GRIN2A: variants seen among roughly 807,000 people sequenced by gnomAD.
The protein encoded by GRIN2A is glutamate ionotropic receptor NMDA type subunit 2A.
A neutral mutation model predicts 113.4 loss-of-function variants in GRIN2A; 22 were observed. The ratio of observed to expected loss-of-function variants is 0.19; its 90% CI spans 0.14 to 0.28. The LOEUF is 0.28. Ranked by LOEUF, GRIN2A falls within the 10% of genes least tolerant of loss-of-function variation. The pLI is 1.00. For synonymous variants in GRIN2A, 827 were observed against 738.4 expected, an observed-to-expected ratio of 1.12 and a Z score of -1.94; for missense variants, 1,502 against 1,887.0, an observed-to-expected ratio of 0.80 and a Z score of 3.78.
intron 2 of GRIN2A, among the ~76,000 whole-genome samples, chr16:10,142,273 G>T (rs936134074): frequency 2.6e-5 from 4 of 152,200 alleles, no homozygotes; most frequent in Admixed American, 1.3e-4. Flanking sequence ...AAGGTTAGCT[G>T]CAGCACACAG....
At chr16:9,959,888 G>A (rs531471508) in intron 2 of GRIN2A, among the ~76,000 whole-genome samples, 2 of 152,190 alleles carry the variant, frequency 1.3e-5, no homozygotes, top group African/African-American at 2.4e-5. Flanking sequence ...CAACAGAATC[G>A]CTTGAACCCG....
chr16:10,117,973 G>A (rs1469188045), intron 2 of GRIN2A, among the ~76,000 whole-genome samples: 1 of 152,136 alleles, frequency 6.6e-6, no homozygotes, highest in Non-Finnish European at 1.5e-5. Context: ...ACAATGAGAG[G>A]GAGACCCTGG....
chr16:9,895,948 G>A (rs1468424915), intron 3 of GRIN2A, among the ~76,000 whole-genome samples: 2 of 152,186 alleles, frequency 1.3e-5, no homozygotes, highest in Non-Finnish European at 2.9e-5. Context: ...TTATCTGTTT[G>A]GAAATGCTGG....
intron 2 of GRIN2A, among the ~76,000 whole-genome samples, chr16:10,178,570 C>G (rs761889203): frequency 6.6e-6 from 1 of 152,200 alleles, no homozygotes; most frequent in Admixed American, 6.5e-5. Context: ...ACAGGAGCCC[C>G]CCAAAACTGA....
intron 2 of GRIN2A, among the ~76,000 whole-genome samples, chr16:10,083,592 AC>A (rs1213091455): frequency 4.6e-5 from 7 of 152,150 alleles, no homozygotes; most frequent in Non-Finnish European, 1.0e-4. Flanking sequence ...GACTGAACTT[AC>A]CAAACACGCT....
chr16:10,069,243 A>G (rs2047706916), intron 2 of GRIN2A, among the ~76,000 whole-genome samples: 2 of 152,146 alleles, frequency 1.3e-5, no homozygotes, highest in African/African-American at 4.8e-5. Flanking sequence ...AGCACTGGAG[A>G]TGAGGAAGGA....
At chr16:9,900,857 G>C (rs1000167342) in intron 3 of GRIN2A, among the ~76,000 whole-genome samples, 1 of 152,150 alleles carries the variant, frequency 6.6e-6, no homozygotes, top group Non-Finnish European at 1.5e-5. Flanking sequence ...CTCACATAAT[G>C]AGCTTCTAAT....
intron 11 of GRIN2A, among the ~76,000 whole-genome samples, chr16:9,782,542 A>G (rs1036409141): frequency 5.9e-5 from 9 of 152,210 alleles, no homozygotes; most frequent in Non-Finnish European, 1.3e-4. Flanking sequence ...TGTGACATCA[A>G]TGTTTGACTT....
At chr16:10,009,305 T>C (rs2046460059) in intron 2 of GRIN2A, among the ~76,000 whole-genome samples, 1 of 152,080 alleles carries the variant, frequency 6.6e-6, no homozygotes, top group Non-Finnish European at 1.5e-5. Context: ...TCAAAACAAA[T>C]AAATATTTTT....
intron 2 of GRIN2A, among the ~76,000 whole-genome samples, chr16:9,952,965 G>A (rs1472022535): frequency 6.6e-6 from 1 of 152,150 alleles, no homozygotes; most frequent in Non-Finnish European, 1.5e-5. Flanking sequence ...GGGTTGACGA[G>A]AAGAATCCAT....
chr16:10,061,470 T>C (rs2047549198), intron 2 of GRIN2A, among the ~76,000 whole-genome samples: 1 of 152,248 alleles, frequency 6.6e-6, no homozygotes, highest in Admixed American at 6.5e-5. Context: ...GAGATTCCTT[T>C]ACATACTCAT....
intron 2 of GRIN2A, among the ~76,000 whole-genome samples, chr16:9,968,440 A>G (rs2045604606): frequency 6.6e-6 from 1 of 152,070 alleles, no homozygotes; most frequent in Non-Finnish European, 1.5e-5. Flanking sequence ...CAGCCTCCCA[A>G]GTAGCTGGAA....
chr16:9,769,344 G>C, intron 11 of GRIN2A: 2 of 172,304 alleles, frequency 1.2e-5, no homozygotes, highest in Non-Finnish European at 1.2e-5. Flanking sequence ...TAGAGAGAGA[G>C]TATAGCAAAC....
chr16:9,774,424 G>C (rs975461949), intron 11 of GRIN2A, among the ~76,000 whole-genome samples: 3 of 152,154 alleles, frequency 2.0e-5, no homozygotes, highest in African/African-American at 7.2e-5. Flanking sequence ...ATCTGAGTCA[G>C]ACGGCCTGCA....
chr16:9,941,959 G>C (rs764642552), intron 2 of GRIN2A, among the ~76,000 whole-genome samples: 1 of 152,104 alleles, frequency 6.6e-6, no homozygotes, highest in Non-Finnish European at 1.5e-5. Flanking sequence ...TCAGGGTCTC[G>C]AGTTTTTACC....
intron 2 of GRIN2A, among the ~76,000 whole-genome samples, chr16:9,983,942 C>G (rs988953072): frequency 6.6e-6 from 1 of 152,206 alleles, no homozygotes; most frequent in East Asian, 1.9e-4. Context: ...GTTGCTGGAT[C>G]ATACAGAAGT....
At chr16:9,892,589 T>G (rs1211577557) in intron 3 of GRIN2A, among the ~76,000 whole-genome samples, 1 of 152,106 alleles carries the variant, frequency 6.6e-6, no homozygotes, top group African/African-American at 2.4e-5. Flanking sequence ...AAACTTAATT[T>G]TTGGTCTAGG....
At chr16:10,174,089 T>G (rs2050097967) in intron 2 of GRIN2A, among the ~76,000 whole-genome samples, 1 of 152,012 alleles carries the variant, frequency 6.6e-6, no homozygotes, top group South Asian at 2.1e-4. Context: ...ACATAATCCA[T>G]GGAGGATAGG....
chr16:9,921,548 C>CT (rs1234977313), intron 3 of GRIN2A, among the ~76,000 whole-genome samples: 1 of 152,172 alleles, frequency 6.6e-6, no homozygotes, highest in Non-Finnish European at 1.5e-5. Context: ...CTACTTATTT[C>CT]ACAGAGATGT....
Sources: allele counts gnomAD v4.1 joint callset (sites outside exome capture counted in the v4.1 genomes callset), GRCh38; gene constraint gnomAD v4.1.1; transcripts MANE v1.5; gene names NCBI Gene and HGNC (gene_info 2026-07-23, HGNC 2026-07-21).